Variants in SF3B2 observed in about 807,000 individuals in gnomAD.
The protein encoded by SF3B2 is splicing factor 3b subunit 2.
A neutral mutation model predicts 116.3 loss-of-function variants in SF3B2; 22 were observed. The observed-to-expected ratio is 0.19, with a 90% confidence interval of 0.14 to 0.27. The LOEUF (loss-of-function observed/expected upper bound fraction) is 0.27. SF3B2 is among the 10% of genes least tolerant of loss of function. The probability of loss-of-function intolerance (pLI) is 1.00; values close to 1 mark genes in which losing one functional copy is unlikely to be tolerated. For missense variants in SF3B2, 767 were observed against 1,151.4 expected, an observed-to-expected ratio of 0.67 and a Z score of 4.83; for synonymous variants, 406 against 421.6, an observed-to-expected ratio of 0.96 and a Z score of 0.45.
chr11:66,053,029 T>C lies in SF3B2; in HGVS notation c.183T>C (p.Thr61=), dbSNP rs1236196266. 1 of 1,614,126 alleles carries C rather than the reference T, an allele frequency of 6.2e-7. No homozygotes were observed. The highest frequency in any genetic ancestry group is 8.5e-7 in the Non-Finnish European group (1 of 1,179,980). ...VERLQSYTRQ[T]GIVLNRPVLR... ...CTAGAGTCCTTTCTCTTTTGCAGAC[T>C]GGCATCGTGCTGAATCGGCCGGTTT... is the stretch of plus-strand genomic sequence containing the variant. The change falls in exon 3 of 22, where the codon ACT becomes ACC. Residue 61 remains threonine, a splice_region_variant and synonymous_variant. Coordinates refer to ENST00000322535, the MANE Select transcript of SF3B2 (RefSeq NM_006842.3).
chr11:66,068,417 T>C (rs1857226593), intron 21 of SF3B2, 84 bp downstream of exon 21: 2 of 1,379,360 alleles, frequency 1.4e-6, no homozygotes, highest in Non-Finnish European at 2.0e-6. Flanking sequence ...CCTCTAGTGG[T>C]GAGAGTGAGG....
intron 9 of SF3B2, 184 bp from the exon 10 acceptor site, chr11:66,058,646 C>G: frequency 1.6e-6 from 1 of 644,390 alleles, no homozygotes. Context: ...AGGCATACAG[C>G]TTGTGAGTGG....
chr11:66,068,102 C>G lies in SF3B2; in HGVS notation c.2431-46C>G, dbSNP rs189196161. 1,423 of 1,612,478 alleles carry G rather than the reference C, an allele frequency of 8.8e-4. 10 individuals carry two copies. The African/African-American group carries it at 0.016, about 18-fold the overall frequency. On this transcript the variant is annotated intron_variant, in intron 20 of 21. Transcript: ENST00000322535. ...CTGAGAAAGGCAGCAGAAGCTAGGG[C>G]TTCTCTGACTCTTTGGAGATGACCA...
At chr11:66,055,373 G>A (rs771980188) in intron 4 of SF3B2, 58 bp downstream of exon 4, 3 of 1,591,460 alleles carry the variant, frequency 1.9e-6, no homozygotes, top group Non-Finnish European at 2.6e-6. Flanking sequence ...GGGCAGTGGA[G>A]CCTTAGAGAA....
At position 66,058,104 on chromosome 11, in the gene SF3B2, C is replaced by A. The variant is rs1402179439; in HGVS notation, c.828C>A (p.Ile276=). 1 of 1,610,002 alleles carries A rather than the reference C, an allele frequency of 6.2e-7. No individual in the cohort carries two copies. Among genetic ancestry groups the A allele is most frequent in the Non-Finnish European group, 8.5e-7 (1 of 1,178,138 alleles). ...AGATCCCCCAGGCTTTGGAGAAGAT[C>A]CTGCAGCTGAAGGAGAGCCGCCAGG... ...GPKIPQALEK[I]LQLKESRQEE... is the part of the protein sequence containing the mutation. The change falls in exon 8 of 22, where the codon ATC becomes ATA. Residue 276 remains isoleucine (I), a synonymous_variant. Transcript: ENST00000322535.
At chr11:66,055,621 C>T (rs1449879222) in intron 5 of SF3B2, 36 bp downstream of exon 5, 1 of 1,602,740 alleles carries the variant, frequency 6.2e-7, no homozygotes, top group Non-Finnish European at 8.5e-7. Flanking sequence ...ACCTCGTGGT[C>T]CAGTCAGTTG....
Position 66,053,091 on chromosome 11 carries a change from C to T in SF3B2, c.245C>T (p.Pro82Leu). The T allele has an allele frequency of 2.5e-6, 4 of 1,614,050 alleles. No individual in the cohort carries two copies. Among genetic ancestry groups the T allele is most frequent in the Non-Finnish European group, 3.4e-6 (4 of 1,179,968 alleles). The change falls in exon 3 of 22, where the codon CCC becomes CTC. Residue 82 changes from proline to leucine, a missense_variant. Pro to Leu is a moderately conservative substitution (Grantham distance 98, BLOSUM62 -3). Coordinates refer to ENST00000322535, the MANE Select transcript of SF3B2 (RefSeq NM_006842.3). ...GATGGGGACAAAGCCGCTCCACCTCCCATGTCGGCACAGGTAGGGAGATTC... is the reference window on the plus strand; with the variant it reads ...GATGGGGACAAAGCCGCTCCACCTCTCATGTCGGCACAGGTAGGGAGATTC... ...GEDGDKAAPP[P>L]MSAQLPGIPM...
At chr11:66,052,936 C>CT (rs1164447534) in intron 2 of SF3B2, 91 bp from the exon 3 acceptor site, 1 of 1,374,360 alleles carries the variant, frequency 7.3e-7, no homozygotes. Flanking sequence ...CAGACAGGCA[C>CT]TGGGTACGTT....
In SF3B2 at chr11:66,055,356, C is replaced by T; in HGVS notation, c.498+41C>T. 1.9e-6 allele frequency: 3 copies of T among 1,596,808 alleles called. No individual in the cohort carries two copies. In the South Asian group the frequency reaches 3.4e-5, roughly 18 times the overall value. ...GCCCTGGCCTTGGACTCATTAGGTC[C>T]CTGAAGGGGCAGTGGAGCCTTAGAG... On this transcript the variant is annotated intron_variant, in intron 4 of 21. Coordinates refer to ENST00000322535, the MANE Select transcript of SF3B2 (RefSeq NM_006842.3).
At chr11:66,061,580 G>A (rs1418979728) in intron 14 of SF3B2, 106 bp from the exon 15 acceptor site, 1 of 832,260 alleles carries the variant, frequency 1.2e-6, no homozygotes, top group African/African-American at 1.7e-5. Context: ...GAATCAGAGT[G>A]GGAGCCAGGT....
chr11:66,059,659 G>A lies in SF3B2; in HGVS notation c.1401+64G>A, dbSNP rs558379367. 6.3e-7 allele frequency: 1 copy of A among 1,595,720 alleles called. No individual in the cohort carries two copies. The highest frequency in any genetic ancestry group is 2.2e-5 in the East Asian group (1 of 44,782). The stretch of plus-strand genomic sequence containing the variant: ...CTGGGAGACCACCTGGGGAGCCAGG[G>A]AGGTGAAAAGGAGTTCTTTGAAGGA... On this transcript the variant is annotated intron_variant, in intron 12 of 21. Coordinates refer to ENST00000322535, the MANE Select transcript of SF3B2 (RefSeq NM_006842.3). The surrounding 1 kb of genome is among the most constrained non-coding windows in gnomAD (Gnocchi z 5.0).
In SF3B2 at chr11:66,052,366, G is replaced by C. The variant is rs746067701; in HGVS notation, c.-19G>C. On this transcript the variant is annotated 5_prime_UTR_variant, in exon 1 of 22. Coordinates refer to ENST00000322535, the MANE Select transcript of SF3B2 (RefSeq NM_006842.3). ...TGGCCCCAGCTTCCGGGTTGGTCGC[G>C]CGCCTTCCTGCGGCTAAGATGGCGA... is the stretch of plus-strand genomic sequence containing the variant. 3 of 1,604,392 alleles carry C rather than the reference G, an allele frequency of 1.9e-6. No individual in the cohort carries two copies. The highest frequency in any genetic ancestry group is 1.7e-5 in the Admixed American group (1 of 59,370).
intron 13 of SF3B2, 114 bp downstream of exon 13, chr11:66,060,123 C>A: frequency 1.1e-6 from 1 of 923,598 alleles, no homozygotes; most frequent in Non-Finnish European, 1.6e-6. Flanking sequence ...TGTTACTTGT[C>A]TAATTATCCT....
intron 2 of SF3B2, 129 bp from the exon 3 acceptor site, chr11:66,052,898 C>G: frequency 8.1e-7 from 1 of 1,228,754 alleles, no homozygotes. Context: ...CCATCTTGGT[C>G]CTCTTCAGTG....
At chr11:66,063,203 T>C (rs1857126046) in intron 17 of SF3B2, 87 bp downstream of exon 17, 7 of 1,139,626 alleles carry the variant, frequency 6.1e-6, no homozygotes, top group Non-Finnish European at 9.0e-6. Context: ...CAGGGAGTTG[T>C]GTGTTCTGAC....
At position 66,052,666 on chromosome 11, in the gene SF3B2, C is replaced by A; in HGVS notation, c.134-7C>A. The A allele has an allele frequency of 6.3e-7, 1 of 1,595,676 alleles. No homozygotes were observed. The highest frequency in any genetic ancestry group is 1.1e-5 in the South Asian group (1 of 88,510). On this transcript the variant is annotated splice_polypyrimidine_tract_variant and splice_region_variant and intron_variant, in intron 1 of 21. Transcript: ENST00000322535. Reference sequence around the variant, plus strand: ...CTGCCCCATTGATCGTGTACTTTGCCCTGCAGGTAATCGCGAGGAGCTGGT... The same window carrying A: ...CTGCCCCATTGATCGTGTACTTTGCACTGCAGGTAATCGCGAGGAGCTGGT...
At chr11:66,067,827 T>TG in intron 19 of SF3B2, 119 bp from the exon 20 acceptor site, 2 of 751,662 alleles carry the variant, frequency 2.7e-6, no homozygotes, top group Admixed American at 4.5e-5. Flanking sequence ...GCTGCATCCT[T>TG]GGGGAGCTCA....
chr11:66,052,551 G>A, intron 1 of SF3B2, 34 bp downstream of exon 1: 1 of 1,599,786 alleles, frequency 6.3e-7, no homozygotes, highest in Non-Finnish European at 8.5e-7. Context: ...GGCCTTTACG[G>A]GCCTGCGGAG....
chr11:66,058,188 C>A (rs1857036568), intron 8 of SF3B2, 38 bp downstream of exon 8: 1 of 1,588,382 alleles, frequency 6.3e-7, no homozygotes, highest in Admixed American at 1.7e-5. Context: ...GCCACAGAAC[C>A]TGGAGAGGCT....
Sources: gnomAD v4.1 joint callset for allele counts on GRCh38, gnomAD v4.1.1 for gene constraint, Gnocchi (gnomAD v3.1) non-coding constraint, MANE v1.5 for transcripts, NCBI Gene and HGNC (gene_info 2026-07-23, HGNC 2026-07-21) for gene names.